Variants in PML observed in about 807,000 individuals in gnomAD.
The protein encoded by PML is protein PML.
A neutral mutation model predicts 65.2 loss-of-function variants in PML; 28 were observed. That is an observed-to-expected ratio of 0.43 (90% confidence interval 0.32 to 0.59). The LOEUF (loss-of-function observed/expected upper bound fraction) is 0.59. Among genes scored for constraint, PML ranks in the 20% least tolerant of loss-of-function variants. The probability of loss-of-function intolerance (pLI) is 0.08; values close to 1 mark genes in which losing one functional copy is unlikely to be tolerated. For synonymous variants in PML, 500 were observed against 508.8 expected (o/e 0.98, Z 0.23); for missense variants, 1,021 against 1,203.4 (o/e 0.85, Z 2.24).
At chr15:74,012,956 C>G (rs948746928) in intron 2 of PML, among the ~76,000 whole-genome samples, 1 of 152,178 alleles carries the variant, frequency 6.6e-6, no homozygotes, top group African/African-American at 2.4e-5. Flanking sequence ...GTCACAATCA[C>G]TTTCACAATT....
intron 2 of PML, among the ~76,000 whole-genome samples, chr15:74,012,699 CCTT>C (rs957601332): frequency 3.3e-5 from 5 of 152,336 alleles, no homozygotes; most frequent in South Asian, 2.1e-4. Flanking sequence ...TGGCTTCCAT[CCTT>C]CTAGTTTTGG....
At chr15:74,029,828 T>C (rs913451602) in intron 4 of PML, among the ~76,000 whole-genome samples, 3 of 152,196 alleles carry the variant, frequency 2.0e-5, no homozygotes, top group Non-Finnish European at 4.4e-5. Context: ...GACTAGACTT[T>C]CCTAGAGGCC....
rs148742808 is a variant in PML, at chr15:74,003,364, G to A, written c.602+4888G>A. On this transcript the variant is annotated intron_variant, in intron 2 of 8. Transcript: ENST00000268058. Reference sequence around the variant, plus strand: ...GGAGAATTGCTTGAAACTGGAAGGCGGAGGTTGCAGTGAGCTGAGATTGTG... The same window carrying A: ...GGAGAATTGCTTGAAACTGGAAGGCAGAGGTTGCAGTGAGCTGAGATTGTG... Among the ~76,000 whole-genome samples the A allele has an allele frequency of 7.2e-3, 1,092 of 151,554 alleles. 11 individuals carry two copies. The highest frequency in any genetic ancestry group is 0.025 in the African/African-American group (1,017 of 41,262).
chr15:74,025,375 T>C (rs777677731), intron 4 of PML: 17 of 186,930 alleles, frequency 9.1e-5, no homozygotes, highest in Non-Finnish European at 1.6e-4. Flanking sequence ...GGGAGCCTTC[T>C]CTTGGAGTCA....
intron 6 of PML, 98 bp downstream of exon 6, chr15:74,033,512 C>A: frequency 7.7e-7 from 1 of 1,290,898 alleles, no homozygotes; most frequent in Non-Finnish European, 1.1e-6. Context: ...AGCCCAAAGC[C>A]AACAGGAGTC....
At position 74,044,794 on chromosome 15, in the gene PML, A is replaced by G. The variant is rs1441478097; in HGVS notation, c.2435A>G (p.His812Arg). Residue 812 changes from histidine (H) to arginine (R), a missense_variant, in exon 9 of 9, where the codon CAC (histidine) becomes CGC (arginine). By Grantham distance (29) the His-to-Arg change is conservative. Transcript: ENST00000268058. ...AGCTTCATGGAGCTGCTGAGTGCAC[A>G]CCGCCGTGACCGGCAGGGGGGCCTG... The part of the protein sequence containing the change: ...NVSFMELLSA[H>R]RRDRQGGLKK... 1 of 1,612,924 alleles carries G rather than the reference A, an allele frequency of 6.2e-7. No homozygotes were observed. Among genetic ancestry groups the G allele is most frequent in the East Asian group, 2.2e-5 (1 of 44,880 alleles).
At position 74,042,779 on chromosome 15, in the gene PML, G is replaced by A. The variant is rs796829418; in HGVS notation, c.1711-210G>A. The stretch of plus-strand genomic sequence containing the variant: ...CCTACTCATGAGGGTGTATGCCCTG[G>A]TTCATACATGTAACCCTCACATGTG... On this transcript the variant is annotated intron_variant, in intron 7 of 8. Transcript: ENST00000268058. This position sits in a 1 kb window ranked among gnomAD's most constrained non-coding sequence, Gnocchi z 5.3. 1.6e-5 allele frequency: 16 copies of A among 985,194 alleles called. 1 individual carries two copies. In the African/African-American group the frequency reaches 2.8e-4, roughly 17 times the overall value. 61.0% of individuals were successfully genotyped at this position (985,194 alleles called of 1,614,324 possible).
rs2071722143 is a variant in PML at position 74,042,763 on chromosome 15, G to A, written c.1711-226G>A. 1 of 985,302 alleles carries A rather than the reference G, an allele frequency of 1.0e-6. No individual in the cohort carries two copies. Among genetic ancestry groups the A allele is most frequent in the Non-Finnish European group, 1.2e-6 (1 of 829,886 alleles). 61.0% of individuals were successfully genotyped at this position (985,302 alleles called of 1,614,324 possible). On this transcript the variant is annotated intron_variant, in intron 7 of 8. Transcript: ENST00000268058. This position sits in a 1 kb window ranked among gnomAD's most constrained non-coding sequence, Gnocchi z 5.3. ...GTGTCACCCTTCCTCCCCTACTCAT[G>A]AGGGTGTATGCCCTGGTTCATACAT...
chr15:74,043,501 C>G lies in PML; in HGVS notation c.1861+362C>G. 1 of 550,754 alleles carries G rather than the reference C, an allele frequency of 1.8e-6. No homozygotes were observed. Among genetic ancestry groups the G allele is most frequent in the Non-Finnish European group, 2.3e-6 (1 of 432,598 alleles). 34.1% of individuals were successfully genotyped at this position (550,754 alleles called of 1,614,324 possible). A position where few individuals can be genotyped will look rare whatever the true frequency, so the allele number is the denominator to read the frequency against. The stretch of plus-strand genomic sequence containing the variant: ...CATCCAAGTAAGGCCTCTGGCTGTG[C>G]TACACGTTTCTGAGTAGAGGGCCAA... On this transcript the variant is annotated intron_variant, in intron 8 of 8. Transcript: ENST00000268058. The surrounding 1 kb of genome is among the most constrained non-coding windows in gnomAD (Gnocchi z 4.3).
intron 2 of PML, among the ~76,000 whole-genome samples, chr15:74,004,702 T>C (rs1483447947): frequency 6.6e-6 from 1 of 152,042 alleles, no homozygotes; most frequent in Non-Finnish European, 1.5e-5. Flanking sequence ...CTCAGGGAAA[T>C]TGTATTCTGC....
At chr15:73,997,647 C>T (rs1406398702) in intron 1 of PML, among the ~76,000 whole-genome samples, 1 of 152,148 alleles carries the variant, frequency 6.6e-6, no homozygotes, top group Non-Finnish European at 1.5e-5. Context: ...CCATGCTTAC[C>T]TCTTTAATGA....
intron 7 of PML, among the ~76,000 whole-genome samples, chr15:74,040,825 A>C (rs2071680325): frequency 6.6e-6 from 1 of 152,184 alleles, no homozygotes; most frequent in South Asian, 2.1e-4. Flanking sequence ...TCCTTTTATT[A>C]AAGGAGACAG....
chr15:73,995,935 G>C (rs2069474689), intron 1 of PML, among the ~76,000 whole-genome samples: 4 of 152,136 alleles, frequency 2.6e-5, no homozygotes, highest in South Asian at 4.2e-4. Flanking sequence ...TATATTTTTA[G>C]TAGAGATGGG....
chr15:74,030,598 G>T (rs187371685), intron 4 of PML, among the ~76,000 whole-genome samples: 1 of 152,112 alleles, frequency 6.6e-6, no homozygotes, highest in Non-Finnish European at 1.5e-5. Flanking sequence ...GCAGTGAGCC[G>T]AGATAGTGCC....
At chr15:74,040,116 AAC>A (rs148010145) in intron 7 of PML, among the ~76,000 whole-genome samples, 7,700 of 152,292 alleles carry the variant, frequency 0.051, 215 homozygotes, top group African/African-American at 0.058. Context: ...GCTCAGCCTG[AAC>A]ACAGTTTTGC....
chr15:74,023,400 A>G lies in PML; in HGVS notation c.1175A>G (p.Gln392Arg), dbSNP rs762629473. ...RLQDLSSCITQGKDAAVSKKA... is the reference protein window; with the variant it reads ...RLQDLSSCITRGKDAAVSKKA... ...CAGGACCTCAGCTCTTGCATCACCC[A>G]GGGGAAAGGTAAGCACGCACGCCAC... The change falls in exon 3 of 9, where the codon CAG becomes CGG. Residue 392 changes from glutamine (Q) to arginine (R), a missense_variant. Transcript: ENST00000268058. The G allele has an allele frequency of 2.8e-5, 44 of 1,598,340 alleles. No individual in the cohort carries two copies. In the Admixed American group the frequency reaches 6.8e-4, roughly 25 times the overall value.
chr15:74,041,866 G>A (rs760223420), intron 7 of PML, among the ~76,000 whole-genome samples: 5 of 152,182 alleles, frequency 3.3e-5, no homozygotes, highest in Admixed American at 2.0e-4. Context: ...AGAAGCCAGC[G>A]GCAGTCCATA....
chr15:74,037,915 T>A lies in PML; in HGVS notation c.1710+3385T>A, dbSNP rs1026819622. On this transcript the variant is annotated intron_variant, in intron 7 of 8. Transcript: ENST00000268058. The surrounding 1 kb of genome is among the most constrained non-coding windows in gnomAD (Gnocchi z 4.2). ...CTCGCACCTGCCTGCCAGACCAGCATGGCCAGTGACCTTCCAACAGCTCCG... is the reference window on the plus strand; with the variant it reads ...CTCGCACCTGCCTGCCAGACCAGCAAGGCCAGTGACCTTCCAACAGCTCCG... Among the ~76,000 whole-genome samples the A allele has an allele frequency of 6.6e-6, 1 of 152,174 alleles. No individual in the cohort carries two copies. The highest frequency in any genetic ancestry group is 6.5e-5 in the Admixed American group (1 of 15,276).
chr15:74,035,704 AC>A lies in PML; in HGVS notation c.1710+1175del. On this transcript the variant is annotated intron_variant, in intron 7 of 8. Coordinates refer to ENST00000268058, the MANE Select transcript of PML (RefSeq NM_033238.3). This position sits in a 1 kb window ranked among gnomAD's most constrained non-coding sequence, Gnocchi z 4.1. ...TCCCATTTATCCCAGTGGCTCAACA[AC>A]TTTTTTGCCCTCCCCTTCTCCTCCA... The A allele has an allele frequency of 6.2e-7, 1 of 1,614,024 alleles. No individual in the cohort carries two copies. The highest frequency in any genetic ancestry group is 2.2e-5 in the East Asian group (1 of 44,852).
Sources: gnomAD v4.1 joint callset for allele counts (sites outside exome capture counted in the v4.1 genomes callset) on GRCh38, gnomAD v4.1.1 for gene constraint, Gnocchi (gnomAD v3.1) non-coding constraint, MANE v1.5 for transcripts, NCBI Gene and HGNC (gene_info 2026-07-23, HGNC 2026-07-21) for gene names.